Variants in PTPRN2 observed in about 807,000 individuals in gnomAD.
PTPRN2 encodes the protein receptor-type tyrosine-protein phosphatase N2.
Under a neutral mutation model 118.8 loss-of-function variants are expected in PTPRN2, and 74 were observed. That is an observed-to-expected ratio of 0.62 (90% CI 0.52 to 0.76). PTPRN2 has a LOEUF of 0.76. Among genes scored for constraint, PTPRN2 ranks in the 30% least tolerant of loss-of-function variants. The pLI is 0.00. For missense variants in PTPRN2, 1,481 were observed against 1,394.4 expected, an observed-to-expected ratio of 1.06 and a Z score of -0.99; for synonymous variants, 641 against 608.0, an observed-to-expected ratio of 1.05 and a Z score of -0.80.
intron 12 of PTPRN2, among the ~76,000 whole-genome samples, chr7:157,807,426 C>A (rs1479596234): frequency 6.6e-6 from 1 of 152,210 alleles, no homozygotes; most frequent in Non-Finnish European, 1.5e-5. Flanking sequence ...CCTTGTCATG[C>A]TGTGGCCAAG....
intron 11 of PTPRN2, among the ~76,000 whole-genome samples, chr7:158,016,953 A>G (rs1213096465): frequency 2.0e-5 from 3 of 152,240 alleles, no homozygotes; most frequent in Admixed American, 6.5e-5. Flanking sequence ...ACTAATCTGT[A>G]TTAAAACAGC....
chr7:157,950,707 T>A (rs1170594836), intron 11 of PTPRN2, among the ~76,000 whole-genome samples: 1 of 152,218 alleles, frequency 6.6e-6, no homozygotes, highest in Non-Finnish European at 1.5e-5. Flanking sequence ...CCTCTACAAC[T>A]ATTCTACAGA....
Position 158,167,275 on chromosome 7 carries a change from G to A in PTPRN2, c.566C>T (p.Ser189Phe), listed in dbSNP as rs756039877. ...RPPAEGDDRFSESILTYVAHT... is the reference protein window; with the variant it reads ...RPPAEGDDRFFESILTYVAHT... ...GGCCACATAGGTCAGGATGCTCTCG[G>A]AGAAGCGGTCATCACCCTGAAGGAA... The change falls in exon 6 of 23, where the codon TCC becomes TTC. Residue 189 changes from serine to phenylalanine, a missense_variant. Around this residue, in one of 3 missense-constraint regions of PTPRN2, gnomAD observed 1,115 missense variants for 994.2 expected, o/e 1.12. Transcript: ENST00000389418. 1 of 1,602,842 alleles carries A rather than the reference G, an allele frequency of 6.2e-7. No individual in the cohort carries two copies. The highest frequency in any genetic ancestry group is 8.5e-7 in the Non-Finnish European group (1 of 1,174,104).
rs118016302 is a variant in PTPRN2 at position 157,975,415 on chromosome 7, G to A, written c.1724-76678C>T. On this transcript the variant is annotated intron_variant, in intron 11 of 22. Transcript: ENST00000389418. ...CCAATCTCCTCGTCCCTGTGATGTC[G>A]GCTCAGGTCACCATTGTGTCCTCTT... Among the ~76,000 whole-genome samples, 658 of 152,256 alleles carry A rather than the reference G, an allele frequency of 4.3e-3. 14 individuals carry two copies. In the South Asian group the frequency reaches 0.052, roughly 12 times the overall value.
chr7:158,270,503 C>G (rs1216632289), intron 3 of PTPRN2, among the ~76,000 whole-genome samples: 1 of 152,082 alleles, frequency 6.6e-6, no homozygotes, highest in Non-Finnish European at 1.5e-5. Context: ...TGCCCCCGAC[C>G]CCCTGGCTCC....
chr7:157,551,210 G>C (rs1344218363), intron 21 of PTPRN2, among the ~76,000 whole-genome samples: 1 of 152,120 alleles, frequency 6.6e-6, no homozygotes, highest in African/African-American at 2.4e-5. Context: ...ATTCGTGCTT[G>C]AGCCAAAACA....
rs1174164829 is a variant in PTPRN2, at chr7:157,615,618, C to T, written c.2344+5744G>A. ...TCCGCGTCACGGGGGAGGATTGGCTCAGCACTGGTCCTGCGGAATGTGTTT... is the reference window on the plus strand; with the variant it reads ...TCCGCGTCACGGGGGAGGATTGGCTTAGCACTGGTCCTGCGGAATGTGTTT... On this transcript the variant is annotated intron_variant, in intron 15 of 22. Transcript: ENST00000389418. This position sits in a 1 kb window ranked among gnomAD's most constrained non-coding sequence, Gnocchi z 4.3. The T allele has an allele frequency of 6.4e-6, 3 of 470,986 alleles. No individual in the cohort carries two copies. The highest frequency in any genetic ancestry group is 6.0e-5 in the African/African-American group (3 of 50,090). The allele number at this position is 470,986 out of a possible 1,614,324, so 29.2% of individuals were successfully genotyped here.
At chr7:158,064,004 C>G (rs920570219) in intron 11 of PTPRN2, among the ~76,000 whole-genome samples, 1 of 152,194 alleles carries the variant, frequency 6.6e-6, no homozygotes, top group African/African-American at 2.4e-5. Context: ...CAGTGAGACA[C>G]GGGCTCATAC....
At chr7:158,251,526 ATGTGGGG>A (rs1796662672) in intron 3 of PTPRN2, among the ~76,000 whole-genome samples, 2 of 144,858 alleles carry the variant, frequency 1.4e-5, no homozygotes, top group Admixed American at 1.4e-4. Context: ...TATATGGTGC[ATGTGGGG>A]GGTGTGCAAT....
At chr7:157,709,728 G>C (rs975090452) in intron 12 of PTPRN2, among the ~76,000 whole-genome samples, 3 of 152,202 alleles carry the variant, frequency 2.0e-5, no homozygotes, top group African/African-American at 4.8e-5. Context: ...TCAGCCCGGC[G>C]TGCCTGGGCT....
At chr7:157,840,044 A>G (rs111162905) in intron 12 of PTPRN2, among the ~76,000 whole-genome samples, 5,170 of 129,262 alleles carry the variant, frequency 0.04, 223 homozygotes, top group South Asian at 0.15. Flanking sequence ...GTGTGACCAC[A>G]TGGAGTGTGT....
intron 3 of PTPRN2, among the ~76,000 whole-genome samples, chr7:158,283,554 GT>G (rs5888744): frequency 0.26 from 39,054 of 152,096 alleles, 5,379 homozygotes; most frequent in East Asian, 0.41. Context: ...TGGCATGCAG[GT>G]GACAAGGACA....
intron 12 of PTPRN2, among the ~76,000 whole-genome samples, chr7:157,809,520 C>T (rs1563132075): frequency 6.6e-6 from 1 of 152,180 alleles, no homozygotes; most frequent in Non-Finnish European, 1.5e-5. Flanking sequence ...CTCCTAACAC[C>T]AGCACAGTGA....
intron 6 of PTPRN2, among the ~76,000 whole-genome samples, chr7:158,156,902 T>C (rs1472609676): frequency 1.3e-5 from 2 of 152,100 alleles, no homozygotes; most frequent in Non-Finnish European, 2.9e-5. Context: ...CCCTGTTCCA[T>C]GTGGCTCTGG....
chr7:158,285,029 G>A (rs759994195), intron 3 of PTPRN2, among the ~76,000 whole-genome samples: 16 of 152,316 alleles, frequency 1.1e-4, no homozygotes, highest in Non-Finnish European at 2.4e-4. Context: ...TCCTCATCAC[G>A]CTCGTCATCT....
chr7:157,888,330 C>T, intron 12 of PTPRN2, among the ~76,000 whole-genome samples: 1 of 152,166 alleles, frequency 6.6e-6, no homozygotes. Flanking sequence ...TGAACTCTGA[C>T]ACCTCAGGCT....
chr7:158,392,532 C>T (rs373553549), intron 2 of PTPRN2, among the ~76,000 whole-genome samples: 5 of 152,190 alleles, frequency 3.3e-5, no homozygotes, highest in Admixed American at 6.5e-5. Context: ...CGTGGGGGCA[C>T]GGCCCCAGCA....
At chr7:157,701,719 G>C (rs1798075309) in intron 12 of PTPRN2, among the ~76,000 whole-genome samples, 1 of 152,270 alleles carries the variant, frequency 6.6e-6, no homozygotes, top group Non-Finnish European at 1.5e-5. Context: ...ACTCTTAACT[G>C]ACGTGGGCTG....
chr7:158,262,275 TAC>T (rs1287121600), intron 3 of PTPRN2, among the ~76,000 whole-genome samples: 6 of 151,768 alleles, frequency 4.0e-5, no homozygotes, highest in African/African-American at 9.7e-5. Flanking sequence ...GCAACACATA[TAC>T]ACACATTCAC....
Sources: allele counts gnomAD v4.1 joint callset (sites outside exome capture counted in the v4.1 genomes callset), GRCh38; gene constraint gnomAD v4.1.1; regional missense constraint gnomAD v4.1.1; non-coding constraint Gnocchi (gnomAD v3.1); transcripts MANE v1.5; gene names NCBI Gene and HGNC (gene_info 2026-07-23, HGNC 2026-07-21).